The following MAPT variants were observed in gnomAD, a reference collection of about 807,000 sequenced individuals.
MAPT encodes the protein microtubule associated protein tau.
MAPT carries 34 observed loss-of-function variants against 67.9 expected under a neutral mutation model. The ratio of observed to expected loss-of-function variants is 0.50; its 90% CI spans 0.38 to 0.67. The LOEUF is 0.67. Ranked by LOEUF, MAPT falls within the 30% of genes least tolerant of loss-of-function variation. MAPT has a pLI of 0.00. For missense variants in MAPT, 881 were observed against 1,115.2 expected (o/e 0.79, Z 2.99); for synonymous variants, 456 against 464.5 (o/e 0.98, Z 0.23).
chr17:45,931,816 G>A (rs1004079433), intron 1 of MAPT: 4 of 152,174 alleles, frequency 2.6e-5, no homozygotes, highest in Non-Finnish European at 5.9e-5. Context: ...GCTGGGTGTG[G>A]TGGCTCACAC....
intron 9 of MAPT, among the ~76,000 whole-genome samples, chr17:46,007,222 C>T (rs538874579): frequency 1.2e-4 from 19 of 152,242 alleles, no homozygotes; most frequent in Admixed American, 9.8e-4. Context: ...CCGTGGTTCA[C>T]GCCTGTAATC....
chr17:45,904,343 T>C lies in MAPT; in HGVS notation c.-18+9657T>C, dbSNP rs1250401277. 2.4e-5 allele frequency among the ~76,000 whole-genome samples: 2 copies of C among 83,284 alleles called. 1 individual carries two copies. Among genetic ancestry groups the C allele is most frequent in the Non-Finnish European group, 4.5e-5 (2 of 44,094 alleles). 54.6% of individuals were successfully genotyped at this position (83,284 alleles called of 152,430 possible). On this transcript the variant is annotated intron_variant, in intron 1 of 12. Transcript: ENST00000262410. ...TATAATATATATTATATATTATATA[T>C]ATATTATATATATTATATATATTAA...
intron 3 of MAPT, chr17:45,974,267 A>T: frequency 2.6e-6 from 2 of 764,176 alleles, no homozygotes; most frequent in Non-Finnish European, 4.5e-6. Context: ...GCTTTCTGGC[A>T]TATGGCTGAT....
intron 12 of MAPT, among the ~76,000 whole-genome samples, chr17:46,020,677 C>A (rs1456725923): frequency 6.6e-6 from 1 of 152,132 alleles, no homozygotes; most frequent in East Asian, 1.9e-4. Context: ...GAGAAAAGAG[C>A]TTGTGCAGGG....
intron 6 of MAPT, among the ~76,000 whole-genome samples, chr17:45,988,458 A>G (rs1300627219): frequency 2.0e-5 from 3 of 152,106 alleles, no homozygotes; most frequent in Non-Finnish European, 4.4e-5. Context: ...GGGCAGGACG[A>G]ACTGTGGGTG....
At chr17:45,979,786 A>G (rs1233134201) in intron 4 of MAPT, 1 of 152,128 alleles carries the variant, frequency 6.6e-6, no homozygotes, top group Non-Finnish European at 1.5e-5. Flanking sequence ...AGTTTTTTCT[A>G]CTGATTGTTA....
rs1218896314 is a variant in MAPT, at chr17:45,904,274, TTA to T, written c.-18+9597_-18+9598del. Reference sequence around the variant, plus strand: ...TATATATTATATATTATATATATTTTTATATATATAATATGTATAATATATAA... The same window carrying T: ...TATATATTATATATTATATATATTTTTATATATAATATGTATAATATATAA... On this transcript the variant is annotated intron_variant, in intron 1 of 12. Transcript: ENST00000262410. 8.4e-5 allele frequency among the ~76,000 whole-genome samples: 4 copies of T among 47,552 alleles called. 1 individual carries two copies. The highest frequency in any genetic ancestry group is 1.3e-4 in the African/African-American group (2 of 15,646). 31.2% of individuals were successfully genotyped at this position (47,552 alleles called of 152,430 possible). A position where few individuals can be genotyped will look rare whatever the true frequency, so the allele number is the denominator to read the frequency against.
chr17:46,026,784 T>G lies in MAPT; in HGVS notation c.*2613T>G, dbSNP rs1367689677. ...CTCAGCCCGCTGACCTTGCACAAACTCCATCTGCTGCCATGAGAAAAGGGA... is the reference window on the plus strand; with the variant it reads ...CTCAGCCCGCTGACCTTGCACAAACGCCATCTGCTGCCATGAGAAAAGGGA... On this transcript the variant is annotated 3_prime_UTR_variant, in exon 13 of 13. Coordinates refer to ENST00000262410, the MANE Select transcript of MAPT (RefSeq NM_001377265.1). 6.6e-6 allele frequency: 1 copy of G among 152,194 alleles called. No homozygotes were observed. Among genetic ancestry groups the G allele is most frequent in the Non-Finnish European group, 1.5e-5 (1 of 68,090 alleles). 9.4% of individuals were successfully genotyped at this position (152,194 alleles called of 1,614,324 possible).
intron 4 of MAPT, chr17:45,979,003 CA>C (rs879932718): frequency 1.1e-3 from 149 of 140,914 alleles, no homozygotes; most frequent in Non-Finnish European, 9.3e-4. Flanking sequence ...AACTCCGTCT[CA>C]AAAAAAAAAA....
intron 12 of MAPT, among the ~76,000 whole-genome samples, chr17:46,019,885 G>A (rs2076413439): frequency 6.6e-6 from 1 of 151,744 alleles, no homozygotes; most frequent in Non-Finnish European, 1.5e-5. Flanking sequence ...GGTGGTGCGT[G>A]CCTGTAATCC....
Position 45,919,011 on chromosome 17 carries a change from A to G in MAPT, c.-18+24325A>G, listed in dbSNP as rs183149220. ...CGGGAGGTGGAGGTTGCAGTGAGCCAAGATCGCCCCACTGCACTCTAGCCT... is the reference window on the plus strand; with the variant it reads ...CGGGAGGTGGAGGTTGCAGTGAGCCGAGATCGCCCCACTGCACTCTAGCCT... On this transcript the variant is annotated intron_variant, in intron 1 of 12. Transcript: ENST00000262410. Among the ~76,000 whole-genome samples, 108 of 151,866 alleles carry G rather than the reference A, an allele frequency of 7.1e-4. No homozygotes were observed. In the East Asian group the frequency reaches 0.02, roughly 28 times the overall value.
At chr17:45,903,937 TATATATA>T (rs1429696369) in intron 1 of MAPT, among the ~76,000 whole-genome samples, 11 of 25,662 alleles carry the variant, frequency 4.3e-4, no homozygotes, top group South Asian at 4.2e-3. Context: ...ATTATATATT[TATATATA>T]ATATATATTA....
At chr17:45,902,676 C>A (rs1291796490) in intron 1 of MAPT, among the ~76,000 whole-genome samples, 2 of 152,128 alleles carry the variant, frequency 1.3e-5, no homozygotes, top group African/African-American at 4.8e-5. Context: ...ACATAGAATC[C>A]CAACTTAAGA....
intron 2 of MAPT, among the ~76,000 whole-genome samples, chr17:45,966,260 T>C (rs1251315161): frequency 6.6e-6 from 1 of 152,194 alleles, no homozygotes; most frequent in African/African-American, 2.4e-5. Flanking sequence ...TCTGTAAATC[T>C]AAAACTGTTC....
chr17:45,984,755 A>G (rs1168083050), intron 5 of MAPT, among the ~76,000 whole-genome samples: 1 of 152,238 alleles, frequency 6.6e-6, no homozygotes, highest in African/African-American at 2.4e-5. Context: ...GCACGACCAC[A>G]GCAGCCCTGC....
At chr17:45,919,079 A>AG (rs1401267289) in intron 1 of MAPT, among the ~76,000 whole-genome samples, 3 of 150,222 alleles carry the variant, frequency 2.0e-5, no homozygotes, top group Non-Finnish European at 4.5e-5. Flanking sequence ...AAAAAAAAAA[A>AG]GAAAAGAAAA....
At chr17:45,990,847 C>T (rs1210645154) in intron 7 of MAPT, among the ~76,000 whole-genome samples, 1 of 152,144 alleles carries the variant, frequency 6.6e-6, no homozygotes, top group Admixed American at 6.5e-5. Flanking sequence ...CAGGGACTGC[C>T]CTAGTCCCTA....
At chr17:46,019,608 A>G (rs571744349) in intron 12 of MAPT, among the ~76,000 whole-genome samples, 6 of 151,776 alleles carry the variant, frequency 4.0e-5, no homozygotes, top group Admixed American at 2.0e-4. Flanking sequence ...AGGTCAAGCA[A>G]TATGCCCACC....
intron 10 of MAPT, among the ~76,000 whole-genome samples, chr17:46,011,738 G>T (rs891283814): frequency 1.3e-5 from 2 of 152,186 alleles, no homozygotes; most frequent in East Asian, 3.9e-4. Context: ...CTGTGGCTCC[G>T]GGGTGGGCTG....
Sources: allele counts gnomAD v4.1 joint callset (sites outside exome capture counted in the v4.1 genomes callset), GRCh38; gene constraint gnomAD v4.1.1; transcripts MANE v1.5; gene names NCBI Gene and HGNC (gene_info 2026-07-23, HGNC 2026-07-21).